The following MATCAP1 variants were observed in gnomAD, a reference collection of about 807,000 sequenced individuals.
The protein encoded by MATCAP1 is microtubule associated tyrosine carboxypeptidase 1, also known as microtubule-associated tyrosine carboxypeptidase 1.
At chr16:67,178,385 T>G in the MATCAP1 span, 2 of 1,553,930 alleles carry the variant, frequency 1.3e-6, no homozygotes, top group Non-Finnish European at 1.7e-6. Context: ...AACAGCACGC[T>G]GTGCAGGCTG....
the MATCAP1 span, chr16:67,176,092 T>G: frequency 6.6e-6 from 1 of 151,332 alleles, no homozygotes; most frequent in Non-Finnish European, 1.5e-5. The surrounding 1 kb of genome is among the most constrained non-coding windows in gnomAD (Gnocchi z 4.3). Flanking sequence ...TGTGTGTGTG[T>G]GTGTGTGTGT....
the MATCAP1 span, chr16:67,179,964 C>A: frequency 6.2e-7 from 1 of 1,614,154 alleles, no homozygotes; most frequent in Non-Finnish European, 8.5e-7. This position sits in a 1 kb window ranked among gnomAD's most constrained non-coding sequence, Gnocchi z 5.2. Flanking sequence ...ACTGCCTGTA[C>A]ACGGGGCCAC....
the MATCAP1 span, chr16:67,180,375 C>G: frequency 6.2e-7 from 1 of 1,612,696 alleles, no homozygotes; most frequent in South Asian, 1.1e-5. Flanking sequence ...GCTCTCACTG[C>G]GACGCATGTG....
chr16:67,178,980 AC>A, the MATCAP1 span: 13 of 464,306 alleles, frequency 2.8e-5, no homozygotes, highest in East Asian at 7.7e-5. Flanking sequence ...AGTGCCCTGC[AC>A]CCCCCTGCCC....
At chr16:67,180,527 C>T in the MATCAP1 span, 1 of 1,554,096 alleles carries the variant, frequency 6.4e-7, no homozygotes, top group Non-Finnish European at 8.7e-7. Flanking sequence ...CTGAGGGCTT[C>T]AGCCTATGGC....
the MATCAP1 span, among the ~76,000 whole-genome samples, chr16:67,182,216 T>G: frequency 7.5e-6 from 1 of 133,364 alleles, no homozygotes; most frequent in South Asian, 2.3e-4. Flanking sequence ...GCCATGGCAC[T>G]CCAGCCTGGG....
At chr16:67,178,277 G>A in the MATCAP1 span, 12 of 1,572,960 alleles carry the variant, frequency 7.6e-6, no homozygotes, top group Non-Finnish European at 1.0e-5. Context: ...TGCACGTAGC[G>A]CTCCAGGTCC....
the MATCAP1 span, chr16:67,178,451 C>T: frequency 1.3e-6 from 2 of 1,535,374 alleles, no homozygotes; most frequent in Non-Finnish European, 1.7e-6. Context: ...AGCCGGCCCT[C>T]CGCGTTGTGC....
chr16:67,177,258 C>T, the MATCAP1 span, among the ~76,000 whole-genome samples: 1 of 152,178 alleles, frequency 6.6e-6, no homozygotes, highest in Non-Finnish European at 1.5e-5. Context: ...CAACTGCCTC[C>T]TTAATGTCTT....
the MATCAP1 span, chr16:67,176,556 C>A: frequency 5.1e-6 from 2 of 390,084 alleles, no homozygotes; most frequent in Non-Finnish European, 9.1e-6. The surrounding 1 kb of genome is among the most constrained non-coding windows in gnomAD (Gnocchi z 4.3). Flanking sequence ...TGCCTTCCCT[C>A]TGCTCAACAG....
At chr16:67,179,638 G>C in the MATCAP1 span, 1 of 1,503,014 alleles carries the variant, frequency 6.7e-7, no homozygotes, top group Non-Finnish European at 9.2e-7. This position sits in a 1 kb window ranked among gnomAD's most constrained non-coding sequence, Gnocchi z 5.2. Flanking sequence ...ATGCCACAGG[G>C]CAGCGAGGCC....
the MATCAP1 span, among the ~76,000 whole-genome samples, chr16:67,183,040 A>G: frequency 6.6e-6 from 1 of 152,122 alleles, no homozygotes; most frequent in African/African-American, 2.4e-5. Context: ...CTTCTTTCAG[A>G]ACTAGAATTA....
chr16:67,177,987 T>C, the MATCAP1 span: 1 of 1,598,284 alleles, frequency 6.3e-7, no homozygotes, highest in South Asian at 1.1e-5. Context: ...GGCTGGGACC[T>C]CTGAAGGTCC....
the MATCAP1 span, among the ~76,000 whole-genome samples, chr16:67,180,965 G>A: frequency 6.6e-6 from 1 of 152,210 alleles, no homozygotes; most frequent in African/African-American, 2.4e-5. Context: ...GGCCTGAAGT[G>A]ATCCTCCCGC....
At chr16:67,178,312 C>T in the MATCAP1 span, 2 of 1,581,754 alleles carry the variant, frequency 1.3e-6, no homozygotes, top group South Asian at 1.2e-5. Context: ...GAAGGACATG[C>T]GCGCGGCGCG....
chr16:67,179,893 A>G, the MATCAP1 span: 8 of 1,614,054 alleles, frequency 5.0e-6, no homozygotes, highest in African/African-American at 9.3e-5. The surrounding 1 kb of genome is among the most constrained non-coding windows in gnomAD (Gnocchi z 5.2). Flanking sequence ...GCTGCCCCCC[A>G]GTGGCAGCCT....
At chr16:67,178,489 CG>C in the MATCAP1 span, 1 of 1,528,884 alleles carries the variant, frequency 6.5e-7, no homozygotes, top group Non-Finnish European at 8.7e-7. Context: ...GTTCACGCCC[CG>C]CAGGTAGTGG....
the MATCAP1 span, among the ~76,000 whole-genome samples, chr16:67,177,687 C>T: frequency 5.2e-4 from 79 of 152,348 alleles, 1 homozygote; most frequent in Middle Eastern, 3.4e-3. Context: ...CTACTTTCCT[C>T]GGCCTGGCAC....
chr16:67,178,269 C>T, the MATCAP1 span: 2 of 1,569,904 alleles, frequency 1.3e-6, no homozygotes, highest in Non-Finnish European at 8.6e-7. Context: ...CGGCGTCCTG[C>T]ACGTAGCGCT....
Sources: gnomAD v4.1 joint callset for allele counts (sites outside exome capture counted in the v4.1 genomes callset) on GRCh38, gnomAD v4.1.1 for gene constraint, Gnocchi (gnomAD v3.1) non-coding constraint, MANE v1.5 for transcripts, NCBI Gene and HGNC (gene_info 2026-07-23, HGNC 2026-07-21) for gene names.